Variants in KANTR observed in about 807,000 individuals in gnomAD.
KANTR encodes the protein KDM5C adjacent transcript.
intron 1 of KANTR, among the ~76,000 whole-genome samples, chrX:53,098,050 C>CAAAA (rs782145330): frequency 1.1e-3 from 46 of 43,369 alleles, no homozygotes; most frequent in East Asian, 1.7e-3. Flanking sequence ...GACTCTGTCT[C>CAAAA]AAAAAAAAAA....
At chrX:53,136,363 C>T (rs910802215) in intron 2 of KANTR, among the ~76,000 whole-genome samples, 2 of 108,320 alleles carry the variant, frequency 1.8e-5, no homozygotes, top group Non-Finnish European at 3.8e-5. Flanking sequence ...CTCAGCCTCC[C>T]GAGTAGCTAG....
intron 2 of KANTR, among the ~76,000 whole-genome samples, chrX:53,140,500 C>CAAAA (rs782805364): frequency 7.1e-5 from 3 of 42,471 alleles, no homozygotes; most frequent in African/African-American, 2.2e-4. Context: ...GACTCTGTCT[C>CAAAA]AAAAAAAAAA....
At chrX:53,130,180 G>C (rs1321961451), downstream of KANTR, among the ~76,000 whole-genome samples, 2 of 112,219 alleles carry the variant, frequency 1.8e-5, no homozygotes, top group Non-Finnish European at 3.8e-5. Flanking sequence ...CATAATTTTT[G>C]TTTCCAAACA....
intron 2 of KANTR, among the ~76,000 whole-genome samples, chrX:53,116,601 G>A (rs1486343303): frequency 9.0e-6 from 1 of 111,603 alleles, no homozygotes; most frequent in Non-Finnish European, 1.9e-5. Context: ...GTTAGGGAGG[G>A]AGGATGGGGA....
At position 53,118,293 on chromosome X, in the gene KANTR, C is replaced by T. The variant is rs995869110; in HGVS notation, c.-804-5176C>T. Among the ~76,000 whole-genome samples the T allele has an allele frequency of 4.5e-5, 5 of 112,079 alleles. No individual in the cohort carries two copies. In the South Asian group the frequency reaches 1.9e-3, roughly 42 times the overall value. On this transcript the variant is annotated intron_variant, in intron 2 of 2. Transcript: ENST00000604062. ...GTATGAGATCCCGTTGATCCACATC[C>T]TCATACACTTGATATTGTCCTCCTT... is the stretch of plus-strand genomic sequence containing the variant.
downstream of KANTR, among the ~76,000 whole-genome samples, chrX:53,145,500 G>A (rs371129069): frequency 2.7e-4 from 30 of 112,091 alleles, no homozygotes; most frequent in African/African-American, 7.8e-4. Flanking sequence ...AAAGCGGCCC[G>A]GAAGCTCGAA....
chrX:53,122,709 T>C (rs186485307), intron 2 of KANTR, among the ~76,000 whole-genome samples: 1 of 112,241 alleles, frequency 8.9e-6, no homozygotes, highest in East Asian at 2.8e-4. Flanking sequence ...ATATGTTTTT[T>C]CTCCAATAAT....
At chrX:53,117,481 T>C (rs1298543243) in intron 2 of KANTR, among the ~76,000 whole-genome samples, 1 of 110,314 alleles carries the variant, frequency 9.1e-6, no homozygotes, top group Non-Finnish European at 1.9e-5. Context: ...TGCTTAACAT[T>C]CACTTGCCCT....
At chrX:53,120,191 C>T (rs1013172907) in intron 2 of KANTR, among the ~76,000 whole-genome samples, 9 of 110,740 alleles carry the variant, frequency 8.1e-5, no homozygotes, top group African/African-American at 3.0e-4. Flanking sequence ...CATGCCACCA[C>T]ACCCAGCTAA....
At chrX:53,108,205 AT>A (rs782550643) in intron 2 of KANTR, among the ~76,000 whole-genome samples, 114 of 70,195 alleles carry the variant, frequency 1.6e-3, no homozygotes, top group African/African-American at 1.9e-3. Context: ...TTTTTTCTTA[AT>A]TTTTTTTTTT....
chrX:53,116,381 C>A lies in KANTR; in HGVS notation c.-804-7088C>A, dbSNP rs782192041. 1.4e-4 allele frequency among the ~76,000 whole-genome samples: 16 copies of A among 112,310 alleles called. No individual in the cohort carries two copies. In the South Asian group the frequency reaches 5.9e-3, roughly 41 times the overall value. ...CAGCCAGAAGTGAGTGGCTTGGATC[C>A]TCTCCTATCCCAGCTCTTTCCTTGG... On this transcript the variant is annotated intron_variant, in intron 2 of 2. Transcript: ENST00000604062.
intron 2 of KANTR, among the ~76,000 whole-genome samples, chrX:53,101,872 G>A (rs1414723118): frequency 2.7e-5 from 3 of 110,751 alleles, no homozygotes; most frequent in African/African-American, 6.6e-5. Context: ...TGTGGCGTGC[G>A]CCGCTAGTCC....
intron 2 of KANTR, among the ~76,000 whole-genome samples, chrX:53,114,168 G>T (rs1933088882): frequency 9.0e-6 from 1 of 111,692 alleles, no homozygotes; most frequent in Non-Finnish European, 1.9e-5. Context: ...GCCTCCCAAG[G>T]TGTTGGGATT....
intron 1 of KANTR, among the ~76,000 whole-genome samples, chrX:53,097,350 G>GTTTTTTTTTTTTT (rs781783647): frequency 1.6e-4 from 11 of 67,976 alleles, no homozygotes; most frequent in Non-Finnish European, 2.9e-4. Context: ...TTTGTTTTAA[G>GTTTTTTTTTTTTT]TTTTTTTTTT....
At chrX:53,114,308 A>T (rs977744102) in intron 2 of KANTR, among the ~76,000 whole-genome samples, 2 of 112,643 alleles carry the variant, frequency 1.8e-5, no homozygotes, top group Non-Finnish European at 3.8e-5. Flanking sequence ...GGCCTCCCAG[A>T]GTGCTCGGGA....
intron 2 of KANTR, among the ~76,000 whole-genome samples, chrX:53,138,064 A>C (rs1933450353): frequency 9.2e-6 from 1 of 108,251 alleles, no homozygotes; most frequent in African/African-American, 3.4e-5. Context: ...CTTTGAATTT[A>C]TTTTTATTTA....
chrX:53,115,748 G>C (rs1933114662), intron 2 of KANTR, among the ~76,000 whole-genome samples: 1 of 112,836 alleles, frequency 8.9e-6, no homozygotes. Flanking sequence ...CCTGGGGTTG[G>C]GGGAGGGGTG....
At chrX:53,105,854 C>CTTT (rs1181859013) in intron 2 of KANTR, among the ~76,000 whole-genome samples, 68 of 72,041 alleles carry the variant, frequency 9.4e-4, no homozygotes, top group African/African-American at 1.4e-3. Context: ...ATGTTTTTTT[C>CTTT]TTTTTTTTTT....
chrX:53,110,932 AAG>A (rs2146729161), intron 2 of KANTR, among the ~76,000 whole-genome samples: 1 of 109,983 alleles, frequency 9.1e-6, no homozygotes, highest in African/African-American at 3.3e-5. Context: ...CAAAAAAAAA[AAG>A]AGTTTGGAAG....
Sources: gnomAD v4.1 joint callset for allele counts (sites outside exome capture counted in the v4.1 genomes callset) on GRCh38, gnomAD v4.1.1 for gene constraint, MANE v1.5 for transcripts, NCBI Gene and HGNC (gene_info 2026-07-23, HGNC 2026-07-21) for gene names.